The following COPZ1 variants were observed in gnomAD, a reference collection of about 807,000 sequenced individuals.
COPZ1 encodes coatomer subunit zeta-1.
In COPZ1, 4 loss-of-function variants were observed where a neutral mutation model predicts 31.7. The observed-to-expected ratio is 0.13, with a 90% CI of 0.06 to 0.29. COPZ1 has a LOEUF of 0.29. Ranked by LOEUF, COPZ1 falls within the 10% of genes least tolerant of loss-of-function variation. COPZ1 has a pLI of 1.00. For synonymous variants in COPZ1, 74 were observed against 79.0 expected, an observed-to-expected ratio of 0.94 and a Z score of 0.33; for missense variants, 156 against 211.5, an observed-to-expected ratio of 0.74 and a Z score of 1.63.
chr12:54,333,968 T>C (rs147916392), intron 1 of COPZ1, among the ~76,000 whole-genome samples: 2 of 152,246 alleles, frequency 1.3e-5, no homozygotes, highest in East Asian at 1.9e-4. Flanking sequence ...TGTGGTGGCA[T>C]GTACCTGTAG....
At chr12:54,342,799 C>T (rs760917419) in intron 3 of COPZ1, among the ~76,000 whole-genome samples, 1 of 151,424 alleles carries the variant, frequency 6.6e-6, no homozygotes, top group African/African-American at 2.4e-5. Flanking sequence ...TCATTACAGG[C>T]GGCCTCACCT....
intron 1 of COPZ1, among the ~76,000 whole-genome samples, chr12:54,336,459 A>G (rs945067866): frequency 3.3e-5 from 5 of 151,216 alleles, no homozygotes; most frequent in Non-Finnish European, 7.4e-5. Context: ...GAGAGCTTGA[A>G]CCAGGAGGCG....
intron 4 of COPZ1, chr12:54,345,230 G>A (rs1426505554): frequency 6.0e-6 from 3 of 502,432 alleles, no homozygotes; most frequent in East Asian, 3.3e-5. Context: ...GGGAAGTTCT[G>A]TTTAAACTTT....
In COPZ1 at chr12:54,342,229, T is replaced by C. The variant is rs147917603; in HGVS notation, c.111T>C (p.Ser37=). ...AGTACTATGACGACACCTACCCCAG[T>C]GTCAAGGAGCAAAAGGCCTTTGAGA... ...FAKYYDDTYP[S]VKEQKAFEKN... Residue 37 remains serine, a synonymous_variant, in exon 3 of 9, where the codon AGT becomes AGC. Coordinates refer to ENST00000262061, the MANE Select transcript of COPZ1 (RefSeq NM_016057.3). 11 of 1,613,828 alleles carry C rather than the reference T, an allele frequency of 6.8e-6. No individual in the cohort carries two copies. In the African/African-American group the frequency reaches 1.3e-4, roughly 20 times the overall value.
chr12:54,351,789 G>A lies in COPZ1; in HGVS notation c.*1266G>A, dbSNP rs1954153432. On this transcript the variant is annotated 3_prime_UTR_variant, in exon 9 of 9. Transcript: ENST00000262061. Reference sequence around the variant, plus strand: ...TTGTGTAAAAGATGCATGGAGTCAGGAGAAAACCACCTTCATAAACTGCTC... The same window carrying A: ...TTGTGTAAAAGATGCATGGAGTCAGAAGAAAACCACCTTCATAAACTGCTC... The A allele has an allele frequency of 6.6e-6, 1 of 152,194 alleles. No homozygotes were observed. Among genetic ancestry groups the A allele is most frequent in the African/African-American group, 2.4e-5 (1 of 41,438 alleles). 9.4% of individuals were successfully genotyped at this position (152,194 alleles called of 1,614,324 possible). A position where few individuals can be genotyped will look rare whatever the true frequency, so the allele number is the denominator to read the frequency against.
rs1400891866 is a variant in COPZ1, at chr12:54,343,216, C to T, written c.170-9C>T. The T allele has an allele frequency of 5.6e-6, 9 of 1,610,478 alleles. No individual in the cohort carries two copies. The highest frequency in any genetic ancestry group is 7.6e-6 in the Non-Finnish European group (9 of 1,177,138). On this transcript the variant is annotated splice_polypyrimidine_tract_variant and intron_variant, in intron 3 of 8. Transcript: ENST00000262061. ...CCACCCACTATTTTTACTTTTTTTC[C>T]CCCACCAGGTGAAATTGCCCTCTTG...
In COPZ1 at chr12:54,350,794, C is replaced by T. The variant is rs1003981040; in HGVS notation, c.*271C>T. On this transcript the variant is annotated 3_prime_UTR_variant, in exon 9 of 9. Coordinates refer to ENST00000262061, the MANE Select transcript of COPZ1 (RefSeq NM_016057.3). ...CTCTTTCTTTCTAGACTGGATTATG[C>T]TCACATGCTCCCTTGCCCTGACATT... is the stretch of plus-strand genomic sequence containing the variant. The T allele has an allele frequency of 9.7e-5, 51 of 527,816 alleles. No homozygotes were observed. The Admixed American group carries it at 1.5e-3, about 16-fold the overall frequency. The allele number at this position is 527,816 out of a possible 1,614,324, so 32.7% of individuals were successfully genotyped here. A position where few individuals can be genotyped will look rare whatever the true frequency, so the allele number is the denominator to read the frequency against.
At chr12:54,337,019 C>CAAAAAAAA (rs1182592654) in intron 1 of COPZ1, among the ~76,000 whole-genome samples, 2 of 61,644 alleles carry the variant, frequency 3.2e-5, no homozygotes, top group African/African-American at 8.1e-5. Flanking sequence ...GAGACTGTCG[C>CAAAAAAAA]AAAAAAAAAA....
chr12:54,349,810 C>A, intron 8 of COPZ1, 152 bp downstream of exon 8: 1 of 749,274 alleles, frequency 1.3e-6, no homozygotes, highest in Non-Finnish European at 2.4e-6. Context: ...GGGACTCATA[C>A]AGCCAGCCAC....
chr12:54,332,907 G>T (rs573225925), intron 1 of COPZ1, among the ~76,000 whole-genome samples: 1 of 151,966 alleles, frequency 6.6e-6, no homozygotes, highest in Admixed American at 6.6e-5. Flanking sequence ...AGAGGGGGTG[G>T]TTTACAAAAG....
In COPZ1 at chr12:54,344,904, C is replaced by G. The variant is rs192541560; in HGVS notation, c.262-556C>G. The G allele has an allele frequency of 2.0e-3, 311 of 152,410 alleles. 1 individual carries two copies. Among genetic ancestry groups the G allele is most frequent in the Non-Finnish European group, 3.5e-3 (241 of 68,184 alleles). 9.4% of individuals were successfully genotyped at this position (152,410 alleles called of 1,614,324 possible). On this transcript the variant is annotated intron_variant, in intron 4 of 8. Transcript: ENST00000262061. ...AGTAGCTGGGACTGCAGGTGCCCAC[C>G]ACCATGCCTGGCTAATTTTTTTTTG...
chr12:54,340,180 G>A (rs184521805), intron 1 of COPZ1, among the ~76,000 whole-genome samples: 1 of 152,144 alleles, frequency 6.6e-6, no homozygotes, highest in Non-Finnish European at 1.5e-5. Context: ...TAATTAATCT[G>A]GTCACATTCT....
intron 8 of COPZ1, chr12:54,350,087 T>C: frequency 3.3e-6 from 2 of 605,832 alleles, no homozygotes; most frequent in Non-Finnish European, 5.9e-6. Context: ...TGACTGCAGA[T>C]AGATTGTCTA....
chr12:54,350,109 G>A (rs1954122377), intron 8 of COPZ1: 2 of 618,350 alleles, frequency 3.2e-6, no homozygotes, highest in African/African-American at 1.8e-5. Flanking sequence ...CTGATGTAGG[G>A]GGAAGGGAGG....
At chr12:54,331,049 T>A (rs1953741671) in intron 1 of COPZ1, among the ~76,000 whole-genome samples, 1 of 152,180 alleles carries the variant, frequency 6.6e-6, no homozygotes, top group African/African-American at 2.4e-5. Flanking sequence ...TTCCCTAGCC[T>A]GTGTCACCTC....
chr12:54,345,055 G>T (rs183877388), intron 4 of COPZ1: 28 of 165,418 alleles, frequency 1.7e-4, no homozygotes, highest in Non-Finnish European at 2.8e-4. Context: ...GGGTCTAGAC[G>T]TTACAGGTGT....
At chr12:54,332,040 G>A (rs1953765363) in intron 1 of COPZ1, among the ~76,000 whole-genome samples, 1 of 151,998 alleles carries the variant, frequency 6.6e-6, no homozygotes, top group South Asian at 2.1e-4. Context: ...AAATCCTCCA[G>A]CAAGGCCGGG....
intron 1 of COPZ1, among the ~76,000 whole-genome samples, chr12:54,326,155 T>A (rs1169163488): frequency 2.7e-4 from 31 of 113,816 alleles, no homozygotes; most frequent in Admixed American, 1.8e-3. Context: ...TATTATTATT[T>A]TTGAGACGGA....
intron 4 of COPZ1, among the ~76,000 whole-genome samples, chr12:54,344,308 G>T (rs929545420): frequency 2.0e-5 from 3 of 152,168 alleles, no homozygotes; most frequent in African/African-American, 7.2e-5. Context: ...GGCCAGGCAT[G>T]GTGGCTCACA....
Sources: gnomAD v4.1 joint callset for allele counts (sites outside exome capture counted in the v4.1 genomes callset) on GRCh38, gnomAD v4.1.1 for gene constraint, MANE v1.5 for transcripts, NCBI Gene and HGNC (gene_info 2026-07-23, HGNC 2026-07-21) for gene names.